The following ATP8A2 variants were observed in gnomAD, a reference collection of about 807,000 sequenced individuals.
The protein encoded by ATP8A2 is ATPase phospholipid transporting 8A2.
In ATP8A2, 100 loss-of-function variants were observed where a neutral mutation model predicts 165.6. The observed-to-expected ratio is 0.60, with a 90% CI of 0.51 to 0.71. ATP8A2 has a LOEUF of 0.71. Ranked by LOEUF, ATP8A2 falls within the 30% of genes least tolerant of loss-of-function variation. The pLI is 0.00. For missense variants in ATP8A2, 1,227 were observed against 1,479.5 expected (o/e 0.83, Z 2.80); for synonymous variants, 543 against 548.8 (o/e 0.99, Z 0.15).
At chr13:25,665,381 T>G (rs1013419230) in intron 24 of ATP8A2, among the ~76,000 whole-genome samples, 2 of 152,060 alleles carry the variant, frequency 1.3e-5, no homozygotes, top group African/African-American at 2.4e-5. Flanking sequence ...GTGCCTGAGC[T>G]CAGGAGTTCA....
chr13:25,847,691 G>A (rs901424190), intron 30 of ATP8A2, among the ~76,000 whole-genome samples: 2 of 152,142 alleles, frequency 1.3e-5, no homozygotes, highest in Non-Finnish European at 2.9e-5. Flanking sequence ...TTGTTCGCGG[G>A]TGTGTTGAGT....
At chr13:25,541,365 A>C (rs2038471394) in intron 8 of ATP8A2, among the ~76,000 whole-genome samples, 1 of 152,088 alleles carries the variant, frequency 6.6e-6, no homozygotes. Context: ...TCTACAAAAA[A>C]CTTAAAAAAT....
chr13:25,984,057 A>AC (rs1356981300), intron 35 of ATP8A2, among the ~76,000 whole-genome samples: 1 of 151,618 alleles, frequency 6.6e-6, no homozygotes, highest in Non-Finnish European at 1.5e-5. Flanking sequence ...ACATAACGAG[A>AC]CCCCCGTCAC....
At chr13:25,559,203 A>C (rs2039069925) in intron 14 of ATP8A2, 142 bp downstream of exon 14, 1 of 609,524 alleles carries the variant, frequency 1.6e-6, no homozygotes, top group Non-Finnish European at 2.8e-6. Flanking sequence ...TTTGTAACTG[A>C]ATGGATCCCA....
intron 35 of ATP8A2, among the ~76,000 whole-genome samples, chr13:26,010,123 C>CTCTAGGCGGCA (rs773427805): frequency 6.6e-6 from 1 of 152,224 alleles, no homozygotes; most frequent in Admixed American, 6.5e-5. Context: ...GCATTCACCA[C>CTCTAGGCGGCA]TCTAGGCGGC....
At chr13:25,740,441 G>A (rs2043887019) in intron 25 of ATP8A2, among the ~76,000 whole-genome samples, 1 of 152,026 alleles carries the variant, frequency 6.6e-6, no homozygotes, top group African/African-American at 2.4e-5. Flanking sequence ...TTGGCAGAAA[G>A]CGACATAACA....
chr13:25,576,426 T>C (rs1459195758), intron 19 of ATP8A2, among the ~76,000 whole-genome samples: 2 of 150,710 alleles, frequency 1.3e-5, no homozygotes, highest in African/African-American at 4.9e-5. Flanking sequence ...CATGGGAGGG[T>C]TGGTGGGAGA....
At chr13:25,731,757 G>A (rs537576852) in intron 25 of ATP8A2, among the ~76,000 whole-genome samples, 25 of 152,316 alleles carry the variant, frequency 1.6e-4, no homozygotes, top group Admixed American at 2.6e-4. Context: ...CAGAAATGAA[G>A]CACATGAGGT....
chr13:25,388,163 TAAGA>T (rs1407989599), intron 1 of ATP8A2, among the ~76,000 whole-genome samples: 1 of 151,662 alleles, frequency 6.6e-6, no homozygotes, highest in Admixed American at 6.6e-5. Context: ...GTGTCAGAAT[TAAGA>T]AAGGAAGGGA....
At chr13:25,986,421 C>T (rs956609046) in intron 35 of ATP8A2, among the ~76,000 whole-genome samples, 1 of 152,294 alleles carries the variant, frequency 6.6e-6, no homozygotes, top group Admixed American at 6.5e-5. Context: ...GTGAGTTTGA[C>T]TTTTTATGGA....
intron 2 of ATP8A2, among the ~76,000 whole-genome samples, chr13:25,515,817 G>A (rs191814388): frequency 2.5e-4 from 38 of 152,266 alleles, no homozygotes; most frequent in Admixed American, 1.0e-3. Flanking sequence ...CTCTATGTTG[G>A]ATTTCAGTTA....
At chr13:25,764,685 T>C (rs1593311083) in intron 25 of ATP8A2, among the ~76,000 whole-genome samples, 1 of 152,240 alleles carries the variant, frequency 6.6e-6, no homozygotes, top group African/African-American at 2.4e-5. Flanking sequence ...TCTAGGACAG[T>C]GGTTTTCAAA....
intron 2 of ATP8A2, among the ~76,000 whole-genome samples, chr13:25,497,347 T>C (rs1001389195): frequency 8.5e-5 from 13 of 152,324 alleles, no homozygotes; most frequent in African/African-American, 2.6e-4. Context: ...TTCAAAAGAA[T>C]GGTTAGTTTT....
Position 25,738,347 on chromosome 13 carries a change from C to G in ATP8A2, c.2385-30699C>G, listed in dbSNP as rs976897695. ...TTTCTTTTTGTGCCCCCCTCCCCCC[C>G]CCCCACACACACTTCTTCTGGTAGT... On this transcript the variant is annotated intron_variant, in intron 25 of 36. Coordinates refer to ENST00000381655, the MANE Select transcript of ATP8A2 (RefSeq NM_016529.6). 8.3e-5 allele frequency among the ~76,000 whole-genome samples: 12 copies of G among 144,212 alleles called. No homozygotes were observed. The South Asian group carries it at 9.4e-4, about 11-fold the overall frequency. The allele number at this position is 144,212 out of a possible 152,430, so 94.6% of individuals were successfully genotyped here.
intron 1 of ATP8A2, among the ~76,000 whole-genome samples, chr13:25,464,107 A>G (rs1764646): frequency 0.73 from 111,578 of 152,072 alleles, 41,195 homozygotes; most frequent in East Asian, 0.99. Context: ...TGGCCCAGAT[A>G]TTGCTGTGAA....
chr13:25,624,177 A>G (rs183614390), intron 24 of ATP8A2, among the ~76,000 whole-genome samples: 64 of 152,300 alleles, frequency 4.2e-4, no homozygotes, highest in African/African-American at 1.1e-3. Context: ...TTTACACTTA[A>G]CTAGTTGACA....
chr13:25,818,274 T>C (rs1415935638), intron 27 of ATP8A2, among the ~76,000 whole-genome samples: 1 of 152,154 alleles, frequency 6.6e-6, no homozygotes, highest in Non-Finnish European at 1.5e-5. Flanking sequence ...AGGAAAAAGA[T>C]CTGGATAATT....
chr13:25,446,214 C>G (rs971510837), intron 1 of ATP8A2, among the ~76,000 whole-genome samples: 3 of 152,150 alleles, frequency 2.0e-5, no homozygotes, highest in African/African-American at 7.2e-5. Flanking sequence ...TGCCCACCCC[C>G]AATTCAGAGA....
At chr13:25,515,827 A>G (rs2037449617) in intron 2 of ATP8A2, among the ~76,000 whole-genome samples, 1 of 152,204 alleles carries the variant, frequency 6.6e-6, no homozygotes, top group African/African-American at 2.4e-5. Flanking sequence ...GATTTCAGTT[A>G]GACACCTGCA....
Sources: gnomAD v4.1 joint callset for allele counts (sites outside exome capture counted in the v4.1 genomes callset) on GRCh38, gnomAD v4.1.1 for gene constraint, MANE v1.5 for transcripts, NCBI Gene and HGNC (gene_info 2026-07-23, HGNC 2026-07-21) for gene names.